The following LIN54 variants were observed in gnomAD, a reference collection of about 807,000 sequenced individuals.
LIN54 encodes protein lin-54 homolog.
A neutral mutation model predicts 78.7 loss-of-function variants in LIN54; 9 were observed. That is an observed-to-expected ratio of 0.11 (90% CI 0.07 to 0.20). The LOEUF (loss-of-function observed/expected upper bound fraction) is 0.20. Ranked by LOEUF, LIN54 falls within the 10% of genes least tolerant of loss-of-function variation. The pLI, the probability that LIN54 is intolerant of heterozygous loss-of-function variation, is 1.00. For missense variants in LIN54, 573 were observed against 889.9 expected, an observed-to-expected ratio of 0.64 and a Z score of 4.53; for synonymous variants, 269 against 318.4, an observed-to-expected ratio of 0.84 and a Z score of 1.65.
intron 12 of LIN54, among the ~76,000 whole-genome samples, chr4:82,928,734 A>G (rs1173641669): frequency 6.6e-6 from 1 of 152,236 alleles, no homozygotes; most frequent in Non-Finnish European, 1.5e-5. Flanking sequence ...GAATGAATGA[A>G]TAATACTGGG....
At chr4:83,006,816 TA>T (rs1729422564) in intron 1 of LIN54, among the ~76,000 whole-genome samples, 2 of 152,206 alleles carry the variant, frequency 1.3e-5, no homozygotes, top group African/African-American at 2.4e-5. Context: ...TTTCACAATG[TA>T]TTTCAAAGGG....
At chr4:82,933,033 A>C (rs944376101) in intron 11 of LIN54, among the ~76,000 whole-genome samples, 22 of 151,992 alleles carry the variant, frequency 1.4e-4, no homozygotes, top group Non-Finnish European at 5.9e-5. Flanking sequence ...CATTATAAAC[A>C]CATTTACTCT....
upstream of LIN54, chr4:83,012,081 C>A (rs371248644): frequency 1.0e-6 from 1 of 976,750 alleles, no homozygotes; most frequent in Non-Finnish European, 1.2e-6. Flanking sequence ...GGGCTGTCCA[C>A]CACCCACCCC....
intron 11 of LIN54, 38 bp from the exon 12 acceptor site, chr4:82,931,183 C>G (rs1721922173): frequency 6.8e-7 from 1 of 1,467,080 alleles, no homozygotes; most frequent in Middle Eastern, 1.8e-4. Context: ...CAAATCAAAA[C>G]CAAAATACAT....
At chr4:83,002,125 T>C (rs1196605181) in intron 1 of LIN54, among the ~76,000 whole-genome samples, 1 of 151,036 alleles carries the variant, frequency 6.6e-6, no homozygotes, top group African/African-American at 2.4e-5. Context: ...GAACTGACAG[T>C]AGACAATCGG....
At chr4:82,928,361 A>G (rs910794781) in intron 12 of LIN54, 58 bp from the exon 13 acceptor site, 27 of 1,322,016 alleles carry the variant, frequency 2.0e-5, no homozygotes, top group South Asian at 3.5e-5. Flanking sequence ...ACAAAAGTGG[A>G]TAACATTCTT....
chr4:82,942,604 G>C (rs943310244), intron 5 of LIN54, among the ~76,000 whole-genome samples: 1 of 152,082 alleles, frequency 6.6e-6, no homozygotes, highest in Non-Finnish European at 1.5e-5. Flanking sequence ...GAATTAAAAG[G>C]AGAGCCTGAA....
At chr4:82,957,458 A>G (rs2126057581) in intron 4 of LIN54, among the ~76,000 whole-genome samples, 1 of 152,314 alleles carries the variant, frequency 6.6e-6, no homozygotes, top group Admixed American at 6.5e-5. Flanking sequence ...AATTAAGCCT[A>G]AATTTTCTTC....
rs182255673 is a variant in LIN54, at chr4:82,924,785, G to A, written c.*3317C>T. 2.7e-4 allele frequency: 41 copies of A among 152,402 alleles called. No individual in the cohort carries two copies. Among genetic ancestry groups the A allele is most frequent in the African/African-American group, 9.1e-4 (38 of 41,534 alleles). The allele number at this position is 152,402 out of a possible 1,614,324, so 9.4% of individuals were successfully genotyped here. The stretch of plus-strand genomic sequence containing the variant: ...ATGATGAAAATAACTCCAATAGAAA[G>A]GGATTTTTAGTTGATTGCCTTCCCT... On this transcript the variant is annotated 3_prime_UTR_variant, in exon 13 of 13. Coordinates refer to ENST00000340417, the MANE Select transcript of LIN54 (RefSeq NM_194282.4).
intron 4 of LIN54, among the ~76,000 whole-genome samples, chr4:82,948,750 T>A (rs202058006): frequency 9.9e-4 from 1 of 1,010 alleles, no homozygotes; most frequent in Non-Finnish European, 0.028. Flanking sequence ...TATTTGACCA[T>A]TTTTTTCCAG....
At chr4:82,982,236 T>C (rs1726736795) in intron 2 of LIN54, among the ~76,000 whole-genome samples, 1 of 152,150 alleles carries the variant, frequency 6.6e-6, no homozygotes, top group African/African-American at 2.4e-5. Context: ...TTTTAGTTTA[T>C]TTTTATTTTT....
chr4:82,939,639 T>C lies in LIN54; in HGVS notation c.1340A>G (p.Gln447Arg), dbSNP rs953802388. ...IMPATPLPQI[Q>R]PNLTNLPPGT... Reference sequence around the variant, plus strand: ...TGGTGGCAGGTTAGTGAGGTTGGGCTGGATCTGTGGCAGTGGTGTGGCAGG... The same window carrying C: ...TGGTGGCAGGTTAGTGAGGTTGGGCCGGATCTGTGGCAGTGGTGTGGCAGG... The change falls in exon 7 of 13, where the codon CAG (glutamine) becomes CGG (arginine). Residue 447 changes from glutamine to arginine, a missense_variant. By Grantham distance (43) the Gln-to-Arg change is conservative. This residue lies in a region of LIN54 where 101 missense variants were observed against 194.2 expected (regional missense o/e 0.52). Transcript: ENST00000340417. The C allele has an allele frequency of 1.9e-6, 3 of 1,614,180 alleles. No homozygotes were observed. Among genetic ancestry groups the C allele is most frequent in the Non-Finnish European group, 2.5e-6 (3 of 1,180,010 alleles).
chr4:82,984,311 T>A lies in LIN54; in HGVS notation c.534A>T (p.Leu178Phe). ...TAACTACTTTAATTTGCTGCGGTGG[T>A]AACTTAGCATCTCCTGACTGGGCCT... is the stretch of plus-strand genomic sequence containing the variant. ...TTQAQSGDAK[L>F]PPQQIKVVTI... Residue 178 changes from leucine to phenylalanine, a missense_variant, in exon 2 of 13, where the codon TTA (leucine) becomes TTT (phenylalanine). Around this residue, in one of 6 missense-constraint regions of LIN54, gnomAD observed 183 missense variants for 228.4 expected, o/e 0.80. Coordinates refer to ENST00000340417, the MANE Select transcript of LIN54 (RefSeq NM_194282.4). The A allele has an allele frequency of 6.2e-7, 1 of 1,614,168 alleles. No individual in the cohort carries two copies. The highest frequency in any genetic ancestry group is 8.5e-7 in the Non-Finnish European group (1 of 1,180,040).
chr4:82,988,958 G>C (rs1408098173), intron 1 of LIN54, among the ~76,000 whole-genome samples: 7 of 152,128 alleles, frequency 4.6e-5, no homozygotes, highest in Non-Finnish European at 1.5e-5. Context: ...GGAGGCCGAA[G>C]CAGGCAGACC....
intron 3 of LIN54, among the ~76,000 whole-genome samples, chr4:82,973,647 C>T (rs1477958226): frequency 2.0e-5 from 3 of 152,190 alleles, no homozygotes; most frequent in African/African-American, 7.2e-5. Context: ...AGCTTGCTCC[C>T]ATGAAGCAAC....
At chr4:83,007,615 T>C (rs779383274) in intron 1 of LIN54, among the ~76,000 whole-genome samples, 21 of 152,170 alleles carry the variant, frequency 1.4e-4, no homozygotes, top group Non-Finnish European at 2.9e-4. Flanking sequence ...TGGCCAGGCG[T>C]GGTGGCTAAC....
chr4:82,931,913 G>A (rs1296452188), intron 11 of LIN54, among the ~76,000 whole-genome samples: 2 of 152,040 alleles, frequency 1.3e-5, no homozygotes, highest in Admixed American at 6.6e-5. Flanking sequence ...TCCCTGGTAT[G>A]ATGTGTCAAT....
chr4:82,996,839 A>G (rs1025348997), intron 1 of LIN54, among the ~76,000 whole-genome samples: 12 of 152,028 alleles, frequency 7.9e-5, no homozygotes, highest in African/African-American at 2.9e-4. Context: ...ACAGTCACCC[A>G]TTTAGAAAAG....
rs1721475909 is a variant in LIN54 at position 82,926,467 on chromosome 4, T to TG, written c.*1634dup. 6.6e-6 allele frequency: 1 copy of TG among 152,600 alleles called. No individual in the cohort carries two copies. The highest frequency in any genetic ancestry group is 2.4e-5 in the African/African-American group (1 of 41,434). 9.5% of individuals were successfully genotyped at this position (152,600 alleles called of 1,614,324 possible). ...TACTTAATTTCTATTGCCTATATCT[T>TG]GCATGTTCATATGAACATATATACA... On this transcript the variant is annotated 3_prime_UTR_variant, in exon 13 of 13. Coordinates refer to ENST00000340417, the MANE Select transcript of LIN54 (RefSeq NM_194282.4).
Sources: allele counts gnomAD v4.1 joint callset (sites outside exome capture counted in the v4.1 genomes callset), GRCh38; gene constraint gnomAD v4.1.1; regional missense constraint gnomAD v4.1.1; transcripts MANE v1.5; gene names NCBI Gene and HGNC (gene_info 2026-07-23, HGNC 2026-07-21).